Variants in MACROD2 observed in about 807,000 individuals in gnomAD.
The protein encoded by MACROD2 is ADP-ribose glycohydrolase MACROD2.
In MACROD2, 36 loss-of-function variants were observed where a neutral mutation model predicts 70.4. The observed-to-expected ratio is 0.51, with a 90% CI of 0.39 to 0.68. MACROD2 has a LOEUF of 0.68. Among genes scored for constraint, MACROD2 ranks in the 30% least tolerant of loss-of-function variants. The pLI, the probability that MACROD2 is intolerant of heterozygous loss-of-function variation, is 0.00. For synonymous variants in MACROD2, 172 were observed against 178.8 expected (o/e 0.96, Z 0.30); for missense variants, 496 against 538.4 (o/e 0.92, Z 0.78).
chr20:14,315,502 G>A (rs2082605191), intron 3 of MACROD2, among the ~76,000 whole-genome samples: 1 of 151,876 alleles, frequency 6.6e-6, no homozygotes, highest in South Asian at 2.1e-4. Context: ...AAACTACAGG[G>A]AAAAAAAGAC....
chr20:14,579,699 A>G (rs940937740), intron 4 of MACROD2, among the ~76,000 whole-genome samples: 2 of 152,198 alleles, frequency 1.3e-5, no homozygotes, highest in Non-Finnish European at 2.9e-5. Flanking sequence ...GGAAAAGCCC[A>G]TTTTTATGTA....
chr20:14,815,754 A>C (rs1054630771), intron 5 of MACROD2, among the ~76,000 whole-genome samples: 1 of 152,042 alleles, frequency 6.6e-6, no homozygotes, highest in Non-Finnish European at 1.5e-5. Context: ...AAAATATCTA[A>C]CATAGTAACA....
intron 3 of MACROD2, among the ~76,000 whole-genome samples, chr20:14,353,829 C>T (rs6079397): frequency 0.015 from 2,251 of 152,150 alleles, 23 homozygotes; most frequent in African/African-American, 0.027. Flanking sequence ...ATGCCAATGC[C>T]TAAATTGATT....
At chr20:14,799,147 A>G (rs962867366) in intron 5 of MACROD2, among the ~76,000 whole-genome samples, 1 of 152,064 alleles carries the variant, frequency 6.6e-6, no homozygotes, top group African/African-American at 2.4e-5. Flanking sequence ...ATGAAATACA[A>G]TAACTTAATA....
chr20:14,034,985 G>T (rs1360699567), intron 2 of MACROD2, among the ~76,000 whole-genome samples: 1 of 151,690 alleles, frequency 6.6e-6, no homozygotes, highest in African/African-American at 2.4e-5. Context: ...GGTCTTAATC[G>T]GTTTTGGTTA....
At chr20:15,613,095 G>T (rs919804096) in intron 8 of MACROD2, among the ~76,000 whole-genome samples, 5 of 152,214 alleles carry the variant, frequency 3.3e-5, no homozygotes, top group Non-Finnish European at 5.9e-5. Context: ...TATGTTAAGA[G>T]AATTAAGCTG....
At chr20:14,652,036 G>A (rs540554790) in intron 4 of MACROD2, among the ~76,000 whole-genome samples, 1 of 152,216 alleles carries the variant, frequency 6.6e-6, no homozygotes, top group East Asian at 1.9e-4. Flanking sequence ...AATAACTCTG[G>A]TTATTTGACA....
At chr20:14,013,312 G>A (rs1013373271) in intron 2 of MACROD2, among the ~76,000 whole-genome samples, 10 of 137,384 alleles carry the variant, frequency 7.3e-5, no homozygotes, top group Non-Finnish European at 9.1e-5. Context: ...TCTCTCTGTC[G>A]CCCAGGCTGG....
chr20:14,173,541 A>G (rs2081240416), intron 3 of MACROD2, among the ~76,000 whole-genome samples: 1 of 152,090 alleles, frequency 6.6e-6, no homozygotes, highest in Non-Finnish European at 1.5e-5. Flanking sequence ...TTAAAATTAA[A>G]TTTATTTGGA....
chr20:15,380,155 C>T (rs1171116062), intron 6 of MACROD2, among the ~76,000 whole-genome samples: 2 of 145,916 alleles, frequency 1.4e-5, no homozygotes, highest in Non-Finnish European at 3.0e-5. Context: ...CCACCCCCAT[C>T]TGTCATTCTT....
intron 6 of MACROD2, among the ~76,000 whole-genome samples, chr20:15,234,886 C>T (rs1257559795): frequency 1.3e-5 from 2 of 152,076 alleles, no homozygotes; most frequent in East Asian, 3.9e-4. Flanking sequence ...ATATATCATG[C>T]TGTCTTTATT....
At chr20:14,723,692 C>T (rs1350163150) in intron 5 of MACROD2, among the ~76,000 whole-genome samples, 6 of 151,522 alleles carry the variant, frequency 4.0e-5, no homozygotes, top group Non-Finnish European at 7.4e-5. Flanking sequence ...TTTGGTGGTA[C>T]ATTTTTATAA....
At chr20:15,183,593 C>A (rs1221961720) in intron 5 of MACROD2, among the ~76,000 whole-genome samples, 1 of 152,058 alleles carries the variant, frequency 6.6e-6, no homozygotes. Flanking sequence ...CTAGTATATA[C>A]TCAAATAAAG....
At chr20:14,772,584 G>A (rs995292209) in intron 5 of MACROD2, among the ~76,000 whole-genome samples, 4 of 151,978 alleles carry the variant, frequency 2.6e-5, no homozygotes, top group Non-Finnish European at 5.9e-5. Context: ...CTGCCCCCGT[G>A]ATTCAGTCAT....
chr20:14,957,102 T>G (rs1045030063), intron 5 of MACROD2, among the ~76,000 whole-genome samples: 20 of 152,156 alleles, frequency 1.3e-4, no homozygotes, highest in Non-Finnish European at 7.4e-5. Context: ...ATCAATGATT[T>G]TTTTTAGTAT....
At chr20:15,373,424 A>C (rs1163782764) in intron 6 of MACROD2, among the ~76,000 whole-genome samples, 1 of 152,052 alleles carries the variant, frequency 6.6e-6, no homozygotes, top group Non-Finnish European at 1.5e-5. Context: ...TCCTTTTTAG[A>C]GACAGGGTGC....
At chr20:15,165,724 T>C (rs941173436) in intron 5 of MACROD2, among the ~76,000 whole-genome samples, 4 of 152,152 alleles carry the variant, frequency 2.6e-5, no homozygotes, top group African/African-American at 7.2e-5. Context: ...TCCAAACTTA[T>C]GTTAAGAGGC....
At chr20:15,020,860 G>A (rs918078003) in intron 5 of MACROD2, among the ~76,000 whole-genome samples, 2 of 151,664 alleles carry the variant, frequency 1.3e-5, no homozygotes, top group Non-Finnish European at 2.9e-5. Flanking sequence ...GACGGAAGTG[G>A]TGTAATGTGG....
Position 15,080,881 on chromosome 20 carries a change from T to TTTCTCTTCTTTCTCTTCTC in MACROD2, c.419-149059_419-149058insTTCTCTTCTTTCTCTTCTC, listed in dbSNP as rs1491167844. Among the ~76,000 whole-genome samples the TTTCTCTTCTTTCTCTTCTC allele has an allele frequency of 4.6e-5, 7 of 152,304 alleles. No homozygotes were observed. In the East Asian group the frequency reaches 1.2e-3, roughly 25 times the overall value. On this transcript the variant is annotated intron_variant, in intron 5 of 17. Coordinates refer to ENST00000684519, the MANE Select transcript of MACROD2 (RefSeq NM_001351661.2). ...ACTTTTCTCCCTCTGTCTCTTCCTC[T>TTTCTCTTCTTTCTCTTCTC]GTATCTCTTCTTTCTCGCCTTTTCT... is the stretch of plus-strand genomic sequence containing the variant.
Sources: allele counts gnomAD v4.1 joint callset (sites outside exome capture counted in the v4.1 genomes callset), GRCh38; gene constraint gnomAD v4.1.1; transcripts MANE v1.5; gene names NCBI Gene and HGNC (gene_info 2026-07-23, HGNC 2026-07-21).